The following TENM4 variants were observed in gnomAD, a reference collection of about 807,000 sequenced individuals.
The protein encoded by TENM4 is teneurin transmembrane protein 4.
In TENM4, 82 loss-of-function variants were observed where a neutral mutation model predicts 243.3. The observed-to-expected ratio is 0.34, with a 90% CI of 0.28 to 0.40. The LOEUF is 0.40. Ranked by LOEUF, TENM4 falls within the 10% of genes least tolerant of loss-of-function variation. The pLI, the probability that TENM4 is intolerant of heterozygous loss-of-function variation, is 1.00. For synonymous variants in TENM4, 1,412 were observed against 1,456.3 expected (o/e 0.97, Z 0.69); for missense variants, 3,138 against 3,673.3 (o/e 0.85, Z 3.77).
intron 6 of TENM4, among the ~76,000 whole-genome samples, chr11:78,929,407 A>G (rs1856622934): frequency 6.6e-6 from 1 of 152,218 alleles, no homozygotes; most frequent in African/African-American, 2.4e-5. Flanking sequence ...GTTTAATTAA[A>G]CAGCTCTTTG....
chr11:78,977,275 A>G (rs1857683155), intron 6 of TENM4, among the ~76,000 whole-genome samples: 1 of 152,138 alleles, frequency 6.6e-6, no homozygotes, highest in African/African-American at 2.4e-5. Context: ...CATCTCAATT[A>G]ATTACATCTG....
intron 6 of TENM4, among the ~76,000 whole-genome samples, chr11:79,014,264 G>A (rs534247332): frequency 1.3e-5 from 2 of 152,228 alleles, no homozygotes; most frequent in East Asian, 3.9e-4. Context: ...AGAACCTTAG[G>A]AACCATGGCC....
rs530062569 is a variant in TENM4 at position 78,934,997 on chromosome 11, CTTTTTTTTTTTT to C, written c.494-31486_494-31475del. ...ATTTTGTGAGTGAGGAAGTATGCAA[CTTTTTTTTTTTT>C]TTTTTTTTTTTTTGAGACGGAGTCT... On this transcript the variant is annotated intron_variant, in intron 6 of 33. Transcript: ENST00000278550. 1.7e-4 allele frequency among the ~76,000 whole-genome samples: 14 copies of C among 81,108 alleles called. No individual in the cohort carries two copies. The South Asian group carries it at 7.2e-3, about 42-fold the overall frequency. 53.2% of individuals were successfully genotyped at this position (81,108 alleles called of 152,430 possible). A position where few individuals can be genotyped will look rare whatever the true frequency, so the allele number is the denominator to read the frequency against.
In TENM4 at chr11:79,211,215, A is replaced by C. The variant is rs1863948962; in HGVS notation, c.-163+4593T>G. On this transcript the variant is annotated intron_variant, in intron 3 of 33. Coordinates refer to ENST00000278550, the MANE Select transcript of TENM4 (RefSeq NM_001098816.3). ...CAGACTAAGTTGGGAAAAGCATTCT[A>C]GGCCAAGAGAATACCATGTGCAAAG... Among the ~76,000 whole-genome samples, 6 of 152,340 alleles carry C rather than the reference A, an allele frequency of 3.9e-5. 1 individual carries two copies. In the South Asian group the frequency reaches 1.2e-3, roughly 32 times the overall value.
chr11:78,938,124 T>C (rs1339018163), intron 6 of TENM4, among the ~76,000 whole-genome samples: 1 of 152,226 alleles, frequency 6.6e-6, no homozygotes, highest in Non-Finnish European at 1.5e-5. Context: ...TTCCATGGCT[T>C]CACACTATCT....
At chr11:79,005,570 C>A (rs1201289661) in intron 6 of TENM4, among the ~76,000 whole-genome samples, 1 of 152,088 alleles carries the variant, frequency 6.6e-6, no homozygotes, top group African/African-American at 2.4e-5. Flanking sequence ...GTTAAAAACC[C>A]TCAACAAACT....
In TENM4 at chr11:79,204,742, A is replaced by G. The variant is rs186788444; in HGVS notation, c.-163+11066T>C. Among the ~76,000 whole-genome samples the G allele has an allele frequency of 7.1e-4, 108 of 152,292 alleles. 1 individual carries two copies. The highest frequency in any genetic ancestry group is 8.8e-4 in the Non-Finnish European group (60 of 68,012). ...TAGCCATCCTATGCGCTCCTAGGGT[A>G]TAGTGGGGAGAGTCTTACACATGTG... On this transcript the variant is annotated intron_variant, in intron 3 of 33. Transcript: ENST00000278550.
chr11:79,034,672 C>T (rs1859331569), intron 6 of TENM4, among the ~76,000 whole-genome samples: 1 of 152,026 alleles, frequency 6.6e-6, no homozygotes, highest in Non-Finnish European at 1.5e-5. Context: ...AAGATGCTAA[C>T]GGGTGCTCCA....
At chr11:78,947,158 T>C (rs1431011764) in intron 6 of TENM4, among the ~76,000 whole-genome samples, 2 of 152,234 alleles carry the variant, frequency 1.3e-5, no homozygotes, top group African/African-American at 2.4e-5. Context: ...GCAAACTTCA[T>C]TGTTTACAGA....
intron 1 of TENM4, among the ~76,000 whole-genome samples, chr11:79,330,981 T>A (rs1372652124): frequency 6.6e-6 from 1 of 152,048 alleles, no homozygotes; most frequent in African/African-American, 2.4e-5. Flanking sequence ...ATGAATAAAG[T>A]GAAACTCAGG....
At chr11:79,388,401 T>G (rs1858160230) in intron 1 of TENM4, among the ~76,000 whole-genome samples, 1 of 152,208 alleles carries the variant, frequency 6.6e-6, no homozygotes, top group African/African-American at 2.4e-5. Flanking sequence ...GGGAAACCAC[T>G]TTGTTGCTTT....
chr11:79,040,033 T>TAAA (rs34900293), intron 6 of TENM4, among the ~76,000 whole-genome samples: 6 of 142,596 alleles, frequency 4.2e-5, no homozygotes, highest in Non-Finnish European at 6.1e-5. Flanking sequence ...GCAAAATGAT[T>TAAA]AAAAAAAAAA....
intron 4 of TENM4, among the ~76,000 whole-genome samples, chr11:79,127,087 G>C (rs181952827): frequency 2.0e-5 from 3 of 152,176 alleles, no homozygotes; most frequent in Non-Finnish European, 2.9e-5. Context: ...CATTTCCCCA[G>C]TGCTAGAATG....
At chr11:78,854,776 T>C (rs2136205268) in intron 11 of TENM4, among the ~76,000 whole-genome samples, 1 of 152,322 alleles carries the variant, frequency 6.6e-6, no homozygotes, top group Middle Eastern at 3.4e-3. Flanking sequence ...TGGATGTGAT[T>C]GGAACATCAG....
At chr11:78,709,229 T>C (rs1298973203) in intron 26 of TENM4, among the ~76,000 whole-genome samples, 1 of 151,234 alleles carries the variant, frequency 6.6e-6, no homozygotes, top group Non-Finnish European at 1.5e-5. Context: ...CCTCCCAAAG[T>C]GCTAGGATTA....
At chr11:78,895,159 C>T (rs140776178) in intron 7 of TENM4, among the ~76,000 whole-genome samples, 1,527 of 151,644 alleles carry the variant, frequency 0.01, 20 homozygotes, top group African/African-American at 0.034. Flanking sequence ...CTGGCTAACA[C>T]GGTGAAACCC....
chr11:79,173,419 T>A (rs1252632160), intron 3 of TENM4, among the ~76,000 whole-genome samples: 1 of 151,926 alleles, frequency 6.6e-6, no homozygotes, highest in African/African-American at 2.4e-5. Context: ...AGTTGGCAAC[T>A]TTTTTTTATG....
intron 2 of TENM4, among the ~76,000 whole-genome samples, chr11:79,259,497 C>CCATG (rs1261826068): frequency 6.7e-6 from 1 of 149,062 alleles, no homozygotes; most frequent in Non-Finnish European, 1.5e-5. Context: ...ATCCATCTAT[C>CCATG]CATGCATCCA....
intron 6 of TENM4, among the ~76,000 whole-genome samples, chr11:78,954,847 T>C (rs951602310): frequency 9.2e-5 from 14 of 152,104 alleles, no homozygotes; most frequent in African/African-American, 3.1e-4. Context: ...ATGAATATGG[T>C]TTGGGAAATG....
Sources: gnomAD v4.1 joint callset for allele counts (sites outside exome capture counted in the v4.1 genomes callset) on GRCh38, gnomAD v4.1.1 for gene constraint, MANE v1.5 for transcripts, NCBI Gene and HGNC (gene_info 2026-07-23, HGNC 2026-07-21) for gene names.